JAZF1: variants seen among roughly 807,000 people sequenced by gnomAD.
JAZF1 encodes the protein JAZF zinc finger 1.
Under a neutral mutation model 26.4 loss-of-function variants are expected in JAZF1, and 8 were observed. The observed-to-expected ratio is 0.30, with a 90% CI of 0.18 to 0.55. The LOEUF is 0.55. Ranked by LOEUF, JAZF1 falls within the 20% of genes least tolerant of loss-of-function variation. The pLI is 0.94. For synonymous variants in JAZF1, 126 were observed against 122.3 expected (o/e 1.03, Z -0.20); for missense variants, 199 against 322.0 (o/e 0.62, Z 2.92).
At chr7:28,093,507 T>C (rs1784335177) in intron 1 of JAZF1, among the ~76,000 whole-genome samples, 1 of 152,218 alleles carries the variant, frequency 6.6e-6, no homozygotes, top group Non-Finnish European at 1.5e-5. Flanking sequence ...ACTACTACAA[T>C]GTTGCAGACA....
intron 1 of JAZF1, among the ~76,000 whole-genome samples, chr7:28,112,331 C>T (rs915108085): frequency 3.3e-5 from 5 of 152,174 alleles, no homozygotes; most frequent in Non-Finnish European, 5.9e-5. Flanking sequence ...TTATTCAAAC[C>T]AGATGCTGAT....
chr7:27,856,696 G>A (rs985172294), intron 3 of JAZF1, among the ~76,000 whole-genome samples: 1 of 152,102 alleles, frequency 6.6e-6, no homozygotes, highest in African/African-American at 2.4e-5. Context: ...TACAAACCCT[G>A]AGCTAGACAC....
chr7:27,980,147 G>A (rs1785553101), intron 2 of JAZF1, among the ~76,000 whole-genome samples: 2 of 152,086 alleles, frequency 1.3e-5, no homozygotes, highest in Admixed American at 6.5e-5. Flanking sequence ...TATCCCAACA[G>A]GTCAAGCTAC....
intron 1 of JAZF1, among the ~76,000 whole-genome samples, chr7:28,096,056 CAT>C (rs1365283795): frequency 6.6e-6 from 1 of 152,194 alleles, no homozygotes; most frequent in East Asian, 1.9e-4. Flanking sequence ...AGGGCTTCAA[CAT>C]ATGAAATTTG....
intron 3 of JAZF1, chr7:27,846,392 C>CATATACGAATACGTGTAT: frequency 2.4e-6 from 1 of 419,680 alleles, no homozygotes. Context: ...CGTATATATA[C>CATATACGAATACGTGTAT]ATATACGTAT....
chr7:28,119,864 C>A (rs1393425926), intron 1 of JAZF1, among the ~76,000 whole-genome samples: 1 of 152,182 alleles, frequency 6.6e-6, no homozygotes, highest in Admixed American at 6.5e-5. Context: ...CACCTTACCC[C>A]ACTAGTCCCC....
chr7:27,969,622 A>G (rs542617741), intron 2 of JAZF1, among the ~76,000 whole-genome samples: 57 of 152,330 alleles, frequency 3.7e-4, no homozygotes, highest in African/African-American at 1.3e-3. Flanking sequence ...GTGGAGTGAA[A>G]AAACCAAACA....
intron 3 of JAZF1, among the ~76,000 whole-genome samples, chr7:27,892,646 A>C (rs1271180211): frequency 6.6e-6 from 1 of 152,204 alleles, no homozygotes; most frequent in Non-Finnish European, 1.5e-5. Flanking sequence ...GAATTACACT[A>C]CACTCTCTTT....
At chr7:27,926,512 A>G (rs1476658011) in intron 2 of JAZF1, among the ~76,000 whole-genome samples, 1 of 152,250 alleles carries the variant, frequency 6.6e-6, no homozygotes, top group Non-Finnish European at 1.5e-5. Flanking sequence ...TTCTTCTAAG[A>G]ACATACAGGT....
At chr7:28,070,886 C>T (rs1046670333) in intron 1 of JAZF1, among the ~76,000 whole-genome samples, 4 of 152,234 alleles carry the variant, frequency 2.6e-5, no homozygotes, top group African/African-American at 9.6e-5. Flanking sequence ...CTCGAGGGCA[C>T]AGACTGTGGT....
intron 2 of JAZF1, among the ~76,000 whole-genome samples, chr7:27,939,701 T>C (rs1470125323): frequency 1.3e-5 from 2 of 152,200 alleles, no homozygotes; most frequent in African/African-American, 4.8e-5. Context: ...AATGCGACCT[T>C]GCCATCAGCA....
chr7:28,104,656 C>T (rs1243735155), intron 1 of JAZF1, among the ~76,000 whole-genome samples: 1 of 152,162 alleles, frequency 6.6e-6, no homozygotes, highest in African/African-American at 2.4e-5. Context: ...CTCCCTCCTA[C>T]TTTATTTATT....
intron 2 of JAZF1, among the ~76,000 whole-genome samples, chr7:27,987,914 G>C (rs1257747471): frequency 6.6e-6 from 1 of 152,142 alleles, no homozygotes; most frequent in Middle Eastern, 3.2e-3. Context: ...TCTGAAACAC[G>C]TGCTGTGTCA....
At chr7:27,953,504 A>C (rs904309498) in intron 2 of JAZF1, among the ~76,000 whole-genome samples, 1 of 152,222 alleles carries the variant, frequency 6.6e-6, no homozygotes, top group East Asian at 1.9e-4. Flanking sequence ...ATGCAAGCTC[A>C]GCTTTGAGAG....
At chr7:28,077,364 T>C (rs976298607) in intron 1 of JAZF1, among the ~76,000 whole-genome samples, 4 of 152,196 alleles carry the variant, frequency 2.6e-5, no homozygotes, top group Non-Finnish European at 5.9e-5. Flanking sequence ...CGCCAGACTA[T>C]AAAGGCTTTA....
chr7:27,833,135 G>C (rs1782740605), intron 4 of JAZF1, 159 bp from the exon 5 acceptor site: 1 of 507,892 alleles, frequency 2.0e-6, no homozygotes, highest in South Asian at 3.3e-5. Flanking sequence ...GGACATTCTG[G>C]TGTGTCGGTC....
intron 1 of JAZF1, among the ~76,000 whole-genome samples, chr7:28,105,773 T>G (rs909624317): frequency 4.6e-5 from 7 of 152,002 alleles, no homozygotes; most frequent in South Asian, 4.2e-4. Flanking sequence ...AGAGGAAGAG[T>G]CTATCAGAAA....
intron 1 of JAZF1, among the ~76,000 whole-genome samples, chr7:28,050,045 C>T (rs1381161597): frequency 6.6e-6 from 1 of 152,052 alleles, no homozygotes; most frequent in Admixed American, 6.6e-5. Flanking sequence ...TTCTGGTGGC[C>T]AGCCCCATTC....
chr7:28,094,059 T>C (rs1784343683), intron 1 of JAZF1, among the ~76,000 whole-genome samples: 1 of 152,124 alleles, frequency 6.6e-6, no homozygotes, highest in East Asian at 1.9e-4. Flanking sequence ...ATAAATAAAA[T>C]TATTTCAGAC....
Sources: allele counts gnomAD v4.1 joint callset (sites outside exome capture counted in the v4.1 genomes callset), GRCh38; gene constraint gnomAD v4.1.1; transcripts MANE v1.5; gene names NCBI Gene and HGNC (gene_info 2026-07-23, HGNC 2026-07-21).